JAML: variants seen among roughly 807,000 people sequenced by gnomAD.
JAML encodes the protein junction adhesion molecule like, also known as junctional adhesion molecule-like.
Under a neutral mutation model 39.3 loss-of-function variants are expected in JAML, and 25 were observed. That is an observed-to-expected ratio of 0.64 (90% CI 0.46 to 0.89). The LOEUF is 0.89. Among genes scored for constraint, JAML ranks in the 40% least tolerant of loss-of-function variants. The probability of loss-of-function intolerance (pLI) is 0.00; values close to 1 mark genes in which losing one functional copy is unlikely to be tolerated. For missense variants in JAML, 440 were observed against 486.9 expected (o/e 0.90, Z 0.91); for synonymous variants, 162 against 179.2 (o/e 0.90, Z 0.77).
Position 118,210,589 on chromosome 11 carries a change from C to G in JAML, c.322G>C (p.Glu108Gln). Reference protein sequence around the residue: ...DGSLLLQDVQEADQGTYICEI... With the variant: ...DGSLLLQDVQQADQGTYICEI... Reference sequence around the variant, plus strand: ...CAGATATAGGTTCCCTGGTCAGCCTCTTGCACATCTTGGAGCAGGAGAGAG... The same window carrying G: ...CAGATATAGGTTCCCTGGTCAGCCTGTTGCACATCTTGGAGCAGGAGAGAG... Residue 108 changes from glutamate to glutamine, a missense_variant, in exon 4 of 10, where the codon GAG becomes CAG. By Grantham distance (29) the Glu-to-Gln change is conservative (BLOSUM62 2). Transcript: ENST00000356289. 6.2e-7 allele frequency: 1 copy of G among 1,614,236 alleles called. No individual in the cohort carries two copies.
In JAML at chr11:118,194,404, G is replaced by T; in HGVS notation, c.1106C>A (p.Pro369His). Residue 369 changes from proline to histidine, a missense_variant, in exon 10 of 10, where the codon CCT becomes CAT. Physicochemically the swap from Pro to His is moderately conservative, Grantham distance 77 (BLOSUM62 -2). Transcript: ENST00000356289. The part of the protein sequence containing the change: ...ATYMTMHPVW[P>H]SLRSDRNNSL... ...GTTGTTCCGATCTGACCTCAGAGAA[G>T]GCCAAACTGGGTGCTGTGGGGGAAG... The T allele has an allele frequency of 6.2e-7, 1 of 1,614,112 alleles. No homozygotes were observed. The highest frequency in any genetic ancestry group is 8.5e-7 in the Non-Finnish European group (1 of 1,179,974).
chr11:118,220,002 G>A (rs1949193749), intron 1 of JAML, among the ~76,000 whole-genome samples: 1 of 152,222 alleles, frequency 6.6e-6, no homozygotes, highest in Non-Finnish European at 1.5e-5. Context: ...AAGGCCAGGG[G>A]CTGAAGAGTT....
At chr11:118,212,929 G>T in intron 2 of JAML, 1 of 1,614,196 alleles carries the variant, frequency 6.2e-7, no homozygotes, top group Non-Finnish European at 8.5e-7. Context: ...ACGACGAAAT[G>T]GGTTGTTCCT....
chr11:118,199,445 C>T (rs752511181), intron 7 of JAML, among the ~76,000 whole-genome samples: 2 of 152,092 alleles, frequency 1.3e-5, no homozygotes, highest in African/African-American at 4.8e-5. Context: ...GGATCCAAGA[C>T]CCACTGGGAA....
intron 5 of JAML, chr11:118,205,323 G>T (rs572853190): frequency 3.3e-5 from 5 of 152,786 alleles, no homozygotes; most frequent in African/African-American, 1.2e-4. Flanking sequence ...CTGGTCTAAA[G>T]AATAAACTTG....
chr11:118,203,692 T>C, intron 5 of JAML, 27 bp from the exon 6 acceptor site: 2 of 1,577,960 alleles, frequency 1.3e-6, no homozygotes, highest in Non-Finnish European at 1.7e-6. Context: ...AAAAGTATGA[T>C]ATTGTGAGGA....
At chr11:118,207,183 T>C (rs1011473965) in intron 4 of JAML, among the ~76,000 whole-genome samples, 9 of 152,246 alleles carry the variant, frequency 5.9e-5, no homozygotes, top group African/African-American at 2.2e-4. Context: ...TTTAAATCTA[T>C]CAGCACATTA....
At chr11:118,224,607 T>C (rs1949242454) in intron 1 of JAML, among the ~76,000 whole-genome samples, 1 of 152,244 alleles carries the variant, frequency 6.6e-6, no homozygotes, top group Non-Finnish European at 1.5e-5. Context: ...AGAGCTCTGC[T>C]GTGAGCTCAA....
intron 1 of JAML, among the ~76,000 whole-genome samples, chr11:118,221,783 CT>C (rs769106740): frequency 9.2e-5 from 14 of 152,176 alleles, no homozygotes; most frequent in Non-Finnish European, 4.4e-5. Flanking sequence ...TTTATTGATT[CT>C]TTTCCCCTCC....
chr11:118,224,203 C>T (rs2134683175), intron 1 of JAML: 1 of 152,324 alleles, frequency 6.6e-6, no homozygotes, highest in South Asian at 2.1e-4. Context: ...GTCTAGGTCA[C>T]ATCGGTTAAT....
At chr11:118,220,324 C>G (rs901064474) in intron 1 of JAML, among the ~76,000 whole-genome samples, 2 of 152,248 alleles carry the variant, frequency 1.3e-5, no homozygotes, top group African/African-American at 2.4e-5. Flanking sequence ...GAAAGTGCAC[C>G]CAAGTCCATC....
chr11:118,212,983 T>G, intron 2 of JAML: 1 of 1,613,406 alleles, frequency 6.2e-7, no homozygotes, highest in Admixed American at 1.7e-5. Flanking sequence ...AAAGGGACCT[T>G]TTGTTTACTT....
At chr11:118,220,366 G>A (rs1467334886) in intron 1 of JAML, among the ~76,000 whole-genome samples, 6 of 152,168 alleles carry the variant, frequency 3.9e-5, no homozygotes, top group Non-Finnish European at 5.9e-5. Flanking sequence ...TTTCCTCAGC[G>A]AGAAGCCTCA....
chr11:118,217,990 C>CA (rs1470182530), intron 1 of JAML, among the ~76,000 whole-genome samples: 78 of 152,244 alleles, frequency 5.1e-4, no homozygotes, highest in African/African-American at 1.8e-3. Flanking sequence ...CTCAGGCCTT[C>CA]ACCCAGTTAA....
In JAML at chr11:118,203,598, T is replaced by G. The variant is rs1948858882; in HGVS notation, c.602A>C (p.His201Pro). 4.3e-6 allele frequency: 7 copies of G among 1,614,060 alleles called. No homozygotes were observed. The East Asian group carries it at 1.6e-4, about 36-fold the overall frequency. ...MSVEYSQSWG[H>P]FQNRVNLVGD... is the part of the protein sequence containing the mutation. ...CACCAGGTTCACACGATTCTGGAAG[T>G]GGCCCCAGCTCTGGGAGTACTCCAC... The change falls in exon 6 of 10, where the codon CAC becomes CCC. Residue 201 changes from histidine (H) to proline (P), a missense_variant. By Grantham distance (77) the His-to-Pro change is moderately conservative. Transcript: ENST00000356289.
intron 6 of JAML, 28 bp downstream of exon 6, chr11:118,203,400 C>T: frequency 6.2e-7 from 1 of 1,600,250 alleles, no homozygotes; most frequent in Non-Finnish European, 8.6e-7. Flanking sequence ...GGAGGTCCCT[C>T]AATGCTCCCC....
chr11:118,196,814 A>G lies in JAML; in HGVS notation c.1013T>C (p.Ile338Thr). 6.2e-7 allele frequency: 1 copy of G among 1,610,248 alleles called. No individual in the cohort carries two copies. Among genetic ancestry groups the G allele is most frequent in the Non-Finnish European group, 8.5e-7 (1 of 1,176,576 alleles). ...CTCCCGTACAATTATTGGGGAGTAA[A>G]TGTGTTTCTAGAGGGGGAAAATGGT... Reference protein sequence around the residue: ...HFERCEGEKHIYSPIIVREVI... With the variant: ...HFERCEGEKHTYSPIIVREVI... Residue 338 changes from isoleucine (I) to threonine (T), a missense_variant, in exon 9 of 10, where the codon ATT becomes ACT. Physicochemically the swap from Ile to Thr is moderately conservative, Grantham distance 89. Coordinates refer to ENST00000356289, the MANE Select transcript of JAML (RefSeq NM_001098526.2).
chr11:118,210,802 G>A, intron 3 of JAML, 90 bp from the exon 4 acceptor site: 1 of 1,047,720 alleles, frequency 9.5e-7, no homozygotes, highest in South Asian at 1.5e-5. Flanking sequence ...GGGGGCAGCA[G>A]AGCTATCATC....
At chr11:118,202,842 A>G (rs1298343787) in intron 6 of JAML, 1 of 411,708 alleles carries the variant, frequency 2.4e-6, no homozygotes, top group African/African-American at 2.0e-5. Context: ...GTTATGGTTT[A>G]ACTTTAACCC....
Sources: allele counts gnomAD v4.1 joint callset (sites outside exome capture counted in the v4.1 genomes callset), GRCh38; gene constraint gnomAD v4.1.1; transcripts MANE v1.5; gene names NCBI Gene and HGNC (gene_info 2026-07-23, HGNC 2026-07-21).